The following ILRUN variants were observed in gnomAD, a reference collection of about 807,000 sequenced individuals.
The protein encoded by ILRUN is inflammation and lipid regulator with UBA-like and NBR1-like domains, also known as protein ILRUN.
In ILRUN, 3 loss-of-function variants were observed where a neutral mutation model predicts 33.8. The observed-to-expected ratio is 0.09, with a 90% confidence interval of 0.04 to 0.23. The LOEUF (loss-of-function observed/expected upper bound fraction) is 0.23. Among genes scored for constraint, ILRUN ranks in the 10% least tolerant of loss-of-function variants. The pLI, the probability that ILRUN is intolerant of heterozygous loss-of-function variation, is 1.00. For missense variants in ILRUN, 210 were observed against 375.1 expected (o/e 0.56, Z 3.64); for synonymous variants, 124 against 138.9 (o/e 0.89, Z 0.75).
chr6:34,686,291 G>A (rs1390739542), intron 1 of ILRUN, among the ~76,000 whole-genome samples: 7 of 151,998 alleles, frequency 4.6e-5, no homozygotes, highest in Non-Finnish European at 1.0e-4. Flanking sequence ...ATGAGGTCAG[G>A]AGATCGAGAC....
intron 3 of ILRUN, among the ~76,000 whole-genome samples, chr6:34,628,459 G>T (rs967632864): frequency 7.2e-5 from 11 of 152,068 alleles, no homozygotes; most frequent in African/African-American, 2.4e-4. Flanking sequence ...GAGTAGCTGG[G>T]ACTACTCCAG....
At chr6:34,626,101 C>T (rs573388380) in intron 3 of ILRUN, among the ~76,000 whole-genome samples, 4 of 152,326 alleles carry the variant, frequency 2.6e-5, no homozygotes, top group South Asian at 2.1e-4. Flanking sequence ...CCGCCTGGGT[C>T]GGCCTCCCGA....
chr6:34,604,819 T>G (rs1320932469), intron 4 of ILRUN, among the ~76,000 whole-genome samples: 1 of 152,220 alleles, frequency 6.6e-6, no homozygotes, highest in African/African-American at 2.4e-5. Context: ...GTAATGAACA[T>G]CTAATCAACC....
At chr6:34,678,836 CAAA>C (rs767799882) in intron 1 of ILRUN, among the ~76,000 whole-genome samples, 5 of 47,884 alleles carry the variant, frequency 1.0e-4, no homozygotes, top group African/African-American at 1.7e-4. Context: ...GACTCCGTCT[CAAA>C]AAAAAAAAAA....
chr6:34,678,085 C>G (rs113268261), intron 1 of ILRUN, among the ~76,000 whole-genome samples: 3,549 of 152,196 alleles, frequency 0.023, 104 homozygotes, highest in African/African-American at 0.064. Context: ...CTTTGTCACC[C>G]AGGCTGAAGT....
intron 1 of ILRUN, among the ~76,000 whole-genome samples, chr6:34,681,706 G>A (rs1023822458): frequency 5.9e-5 from 9 of 151,888 alleles, no homozygotes; most frequent in African/African-American, 1.5e-4. Flanking sequence ...ATTGTCAGAC[G>A]AGCTTACTAC....
At chr6:34,627,573 G>A (rs1242327343) in intron 3 of ILRUN, among the ~76,000 whole-genome samples, 5 of 152,156 alleles carry the variant, frequency 3.3e-5, no homozygotes, top group Admixed American at 6.5e-5. Flanking sequence ...TAGGTATATA[G>A]TGATATCTCA....
In ILRUN at chr6:34,696,478, G is replaced by C; in HGVS notation, c.126C>G (p.Ala42=). The C allele has an allele frequency of 6.2e-7, 1 of 1,605,856 alleles. No individual in the cohort carries two copies. The highest frequency in any genetic ancestry group is 8.5e-7 in the Non-Finnish European group (1 of 1,176,858). ...QRLLGFQLNP[A]GCAFFLDMTN... ...TCATGTCCAGGAAGAAGGCGCAACC[G>C]GCAGGATTGAGCTGGAAGCCGAGCA... The change falls in exon 1 of 5, where the codon GCC becomes GCG. Residue 42 remains alanine, a synonymous_variant. Coordinates refer to ENST00000374023, the MANE Select transcript of ILRUN (RefSeq NM_024294.4).
intron 3 of ILRUN, among the ~76,000 whole-genome samples, chr6:34,612,928 A>C (rs981866346): frequency 6.6e-6 from 1 of 152,190 alleles, no homozygotes; most frequent in African/African-American, 2.4e-5. Flanking sequence ...CTGTAGTCCC[A>C]GCTACTCAGG....
intron 1 of ILRUN, among the ~76,000 whole-genome samples, chr6:34,665,292 CAAAAAAAAAAA>C (rs60761039): frequency 3.9e-5 from 3 of 76,420 alleles, no homozygotes; most frequent in East Asian, 3.6e-4. Context: ...CCCTTTTCTA[CAAAAAAAAAAA>C]AAAAAAAAAA....
rs1198335525 is a variant in ILRUN at position 34,683,439 on chromosome 6, TAC to T, written c.158+13005_158+13006del. The stretch of plus-strand genomic sequence containing the variant: ...ATATACATATATATACATATATATA[TAC>T]ATATATATATACATATATATACATA... On this transcript the variant is annotated intron_variant, in intron 1 of 4. Transcript: ENST00000374023. Among the ~76,000 whole-genome samples, 634 of 106,728 alleles carry T rather than the reference TAC, an allele frequency of 5.9e-3. 12 individuals are homozygous for T. The highest frequency in any genetic ancestry group is 0.016 in the South Asian group (58 of 3,580). The allele number at this position is 106,728 out of a possible 152,430, so 70.0% of individuals were successfully genotyped here.
intron 3 of ILRUN, among the ~76,000 whole-genome samples, chr6:34,609,062 C>T (rs988540268): frequency 1.5e-4 from 23 of 152,194 alleles, no homozygotes; most frequent in African/African-American, 5.5e-4. Context: ...AAATGCATTC[C>T]ATCAGTTAGC....
chr6:34,655,906 C>T (rs2127366674), intron 1 of ILRUN, among the ~76,000 whole-genome samples: 1 of 152,094 alleles, frequency 6.6e-6, no homozygotes, highest in East Asian at 1.9e-4. Flanking sequence ...TCAGTGAGAT[C>T]TTGAGAGGCT....
At chr6:34,641,751 T>C (rs181198980) in intron 3 of ILRUN, among the ~76,000 whole-genome samples, 199 of 152,082 alleles carry the variant, frequency 1.3e-3, no homozygotes, top group African/African-American at 4.5e-3. Flanking sequence ...CAAAAAAGGG[T>C]TGTTAAGTTA....
At position 34,603,996 on chromosome 6, in the gene ILRUN, C is replaced by T. The variant is rs1349003107; in HGVS notation, c.861+2559G>A. Among the ~76,000 whole-genome samples, 4 of 152,162 alleles carry T rather than the reference C, an allele frequency of 2.6e-5. No individual in the cohort carries two copies. In the East Asian group the frequency reaches 7.7e-4, roughly 29 times the overall value. On this transcript the variant is annotated intron_variant, in intron 4 of 4. Transcript: ENST00000374023. ...CTCGATGCTTCATATAAATTGCTTT[C>T]TAAGATTCTGCTTAGATTAAGAAAA...
chr6:34,631,484 C>G (rs945797937), intron 3 of ILRUN, among the ~76,000 whole-genome samples: 2 of 152,100 alleles, frequency 1.3e-5, no homozygotes, highest in Non-Finnish European at 2.9e-5. Flanking sequence ...TGTACCACCA[C>G]GCCCGGCTAA....
At chr6:34,679,033 C>G (rs1297717659) in intron 1 of ILRUN, among the ~76,000 whole-genome samples, 1 of 151,194 alleles carries the variant, frequency 6.6e-6, no homozygotes, top group Non-Finnish European at 1.5e-5. Flanking sequence ...AACTACTTGT[C>G]AGGTACTATG....
intron 1 of ILRUN, among the ~76,000 whole-genome samples, chr6:34,666,827 T>C (rs1763016754): frequency 1.3e-5 from 2 of 152,254 alleles, no homozygotes; most frequent in Non-Finnish European, 1.5e-5. Flanking sequence ...CAATCTCACG[T>C]ATTCTGTTAA....
chr6:34,673,904 T>TACACACAC (rs370280008), intron 1 of ILRUN, among the ~76,000 whole-genome samples: 7,537 of 112,666 alleles, frequency 0.067, 765 homozygotes, highest in African/African-American at 0.11. Flanking sequence ...AACAACCACA[T>TACACACAC]ACACACACAC....
Sources: allele counts gnomAD v4.1 joint callset (sites outside exome capture counted in the v4.1 genomes callset), GRCh38; gene constraint gnomAD v4.1.1; transcripts MANE v1.5; gene names NCBI Gene and HGNC (gene_info 2026-07-23, HGNC 2026-07-21).